NRP1: variants seen among roughly 807,000 people sequenced by gnomAD.
NRP1 encodes the protein neuropilin 1, also known as neuropilin-1.
In NRP1, 35 loss-of-function variants were observed where a neutral mutation model predicts 106.7. That is an observed-to-expected ratio of 0.33 (90% CI 0.25 to 0.43). NRP1 has a LOEUF of 0.43. NRP1 is among the 20% of genes least tolerant of loss of function. NRP1 has a pLI of 1.00. For missense variants in NRP1, 1,024 were observed against 1,170.4 expected, an observed-to-expected ratio of 0.87 and a Z score of 1.83; for synonymous variants, 437 against 417.9, an observed-to-expected ratio of 1.05 and a Z score of -0.56.
At chr10:33,181,294 G>A (rs1169353030) in intron 16 of NRP1, among the ~76,000 whole-genome samples, 1 of 152,198 alleles carries the variant, frequency 6.6e-6, no homozygotes, top group Non-Finnish European at 1.5e-5. Context: ...GAGAAAACAA[G>A]CCTTGGGGCA....
At chr10:33,212,459 T>C (rs1838381444) in intron 9 of NRP1, 1 of 152,114 alleles carries the variant, frequency 6.6e-6, no homozygotes, top group Non-Finnish European at 1.5e-5. Flanking sequence ...GTCCCTAAAA[T>C]GGTTGAATTC....
intron 2 of NRP1, among the ~76,000 whole-genome samples, chr10:33,273,470 C>G (rs1843459203): frequency 6.6e-6 from 1 of 152,216 alleles, no homozygotes; most frequent in Non-Finnish European, 1.5e-5. Flanking sequence ...TCCCTAGAGA[C>G]TAAACGTGTC....
chr10:33,297,413 C>A (rs903047077), intron 2 of NRP1, among the ~76,000 whole-genome samples: 1 of 152,116 alleles, frequency 6.6e-6, no homozygotes, highest in Non-Finnish European at 1.5e-5. Flanking sequence ...TGGCTGGGAG[C>A]GGTGGCTCAC....
chr10:33,277,394 G>T (rs1472748153), intron 2 of NRP1, among the ~76,000 whole-genome samples: 1 of 152,214 alleles, frequency 6.6e-6, no homozygotes, highest in African/African-American at 2.4e-5. Flanking sequence ...GCTCCTGGAG[G>T]GGGCTGCACG....
chr10:33,187,274 G>A (rs1268558655), intron 13 of NRP1, among the ~76,000 whole-genome samples: 1 of 152,196 alleles, frequency 6.6e-6, no homozygotes, highest in Non-Finnish European at 1.5e-5. Flanking sequence ...TTTATCATTT[G>A]AGCAGCAGGA....
At chr10:33,202,392 A>C in intron 11 of NRP1, 1 of 367,612 alleles carries the variant, frequency 2.7e-6, no homozygotes, top group Non-Finnish European at 4.9e-6. Flanking sequence ...CTGCCTTTGT[A>C]AATGTTAATG....
intron 2 of NRP1, among the ~76,000 whole-genome samples, chr10:33,286,626 G>A (rs1402751101): frequency 1.3e-5 from 2 of 152,142 alleles, no homozygotes; most frequent in Non-Finnish European, 2.9e-5. Context: ...TTTAACACAA[G>A]CATTTTCCAC....
At chr10:33,182,530 C>T (rs948815962) in intron 16 of NRP1, among the ~76,000 whole-genome samples, 168 bp downstream of exon 16, 4 of 152,260 alleles carry the variant, frequency 2.6e-5, no homozygotes, top group Middle Eastern at 3.4e-3. Flanking sequence ...AGTGGGTACT[C>T]TGTGAGCACA....
intron 2 of NRP1, among the ~76,000 whole-genome samples, chr10:33,289,183 A>T (rs1356299394): frequency 6.6e-6 from 1 of 152,196 alleles, no homozygotes; most frequent in East Asian, 1.9e-4. Context: ...TTTTTTCTAC[A>T]AATCACATAA....
intron 14 of NRP1, 94 bp from the exon 15 acceptor site, chr10:33,185,818 A>G (rs1835969200): frequency 9.2e-7 from 1 of 1,091,300 alleles, no homozygotes; most frequent in African/African-American, 1.6e-5. Flanking sequence ...CGGCACATAA[A>G]TTAAATTCAT....
chr10:33,292,985 C>T (rs1471348467), intron 2 of NRP1, among the ~76,000 whole-genome samples: 2 of 137,334 alleles, frequency 1.5e-5, no homozygotes, highest in Non-Finnish European at 3.1e-5. Flanking sequence ...GACTCCATCT[C>T]AAAAAAAAAA....
chr10:33,297,014 C>A (rs556301732), intron 2 of NRP1, among the ~76,000 whole-genome samples: 14 of 151,996 alleles, frequency 9.2e-5, no homozygotes, highest in African/African-American at 2.7e-4. Flanking sequence ...GAATAAAAAA[C>A]CAATTTAAAC....
intron 11 of NRP1, among the ~76,000 whole-genome samples, chr10:33,200,156 T>C (rs940489914): frequency 2.0e-5 from 3 of 152,190 alleles, no homozygotes; most frequent in African/African-American, 7.2e-5. Flanking sequence ...AGTGGTCTTA[T>C]AGGAGAAAGA....
In NRP1 at chr10:33,192,477, T is replaced by G. The variant is rs539817510; in HGVS notation, c.1925-59A>C. 7.6e-6 allele frequency: 12 copies of G among 1,586,374 alleles called. No homozygotes were observed. In the East Asian group the frequency reaches 2.7e-4, roughly 36 times the overall value. On this transcript the variant is annotated intron_variant, in intron 12 of 16. Coordinates refer to ENST00000374867, the MANE Select transcript of NRP1 (RefSeq NM_003873.7). ...GCAAAGAAAGGCAAATTTGATCATT[T>G]AGGGTCACAAAGGCCCTTGGTTCAC... is the stretch of plus-strand genomic sequence containing the variant.
Position 33,213,680 on chromosome 10 carries a change from T to A in NRP1, c.1320A>T (p.Gly440=). ...ATGTGATCTGGGAGTCAGAAATAAG[T>A]CCAGACACCATACCCAACATTCCAG... is the stretch of plus-strand genomic sequence containing the variant. The part of the protein sequence containing the change: ...PCSGMLGMVS[G]LISDSQITSS... The change falls in exon 9 of 17, where the codon GGA becomes GGT. Residue 440 remains glycine (G), a synonymous_variant. Coordinates refer to ENST00000374867, the MANE Select transcript of NRP1 (RefSeq NM_003873.7). 1 of 1,611,268 alleles carries A rather than the reference T, an allele frequency of 6.2e-7. No homozygotes were observed. The highest frequency in any genetic ancestry group is 8.5e-7 in the Non-Finnish European group (1 of 1,178,438).
chr10:33,294,157 TGGTGGG>T (rs1219628884), intron 2 of NRP1, among the ~76,000 whole-genome samples: 2 of 152,216 alleles, frequency 1.3e-5, no homozygotes, highest in Non-Finnish European at 1.5e-5. Flanking sequence ...TTTTATGTCA[TGGTGGG>T]GGTCCTACAT....
chr10:33,294,612 C>A (rs992737252), intron 2 of NRP1, among the ~76,000 whole-genome samples: 1 of 109,676 alleles, frequency 9.1e-6, no homozygotes. Flanking sequence ...AGTGAAACTC[C>A]GTCTCAAAAA....
chr10:33,273,343 G>A (rs766967581), intron 2 of NRP1, among the ~76,000 whole-genome samples: 40 of 152,276 alleles, frequency 2.6e-4, no homozygotes, highest in Non-Finnish European at 5.0e-4. Context: ...GGGGAGTATT[G>A]CCAAAGAAGT....
chr10:33,274,026 G>A (rs74129647), intron 2 of NRP1, among the ~76,000 whole-genome samples: 6,803 of 152,068 alleles, frequency 0.045, 537 homozygotes, highest in African/African-American at 0.15. Flanking sequence ...TCCTCATTTA[G>A]GCATCTTCCC....
Sources: gnomAD v4.1 joint callset for allele counts (sites outside exome capture counted in the v4.1 genomes callset) on GRCh38, gnomAD v4.1.1 for gene constraint, MANE v1.5 for transcripts, NCBI Gene and HGNC (gene_info 2026-07-23, HGNC 2026-07-21) for gene names.